The following NANS variants were observed in gnomAD, a reference collection of about 807,000 sequenced individuals.
NANS encodes the protein N-acetylneuraminate-9-phosphate synthase.
A neutral mutation model predicts 33.3 loss-of-function variants in NANS; 29 were observed. That is an observed-to-expected ratio of 0.87 (90% CI 0.65 to 1.19). NANS has a LOEUF of 1.19. NANS is among the 50% of genes most tolerant of loss of function. NANS has a pLI of 0.00. For missense variants in NANS, 394 were observed against 461.1 expected (o/e 0.85, Z 1.33); for synonymous variants, 163 against 177.2 (o/e 0.92, Z 0.64).
chr9:98,082,781 A>G, intron 5 of NANS, 65 bp from the exon 6 acceptor site: 1 of 1,488,812 alleles, frequency 6.7e-7, no homozygotes, highest in Non-Finnish European at 9.2e-7. Flanking sequence ...CCTTGAGTGT[A>G]AAGTAAAGTA....
intron 2 of NANS, among the ~76,000 whole-genome samples, chr9:98,068,342 G>A (rs1368649581): frequency 1.3e-5 from 2 of 151,822 alleles, no homozygotes; most frequent in Non-Finnish European, 2.9e-5. Context: ...GTTTCACCTT[G>A]TTGGTCAGGC....
chr9:98,058,848 A>C (rs1257191594), intron 1 of NANS, among the ~76,000 whole-genome samples: 1 of 152,158 alleles, frequency 6.6e-6, no homozygotes, highest in Non-Finnish European at 1.5e-5. Context: ...AACTTTAGTC[A>C]GGTCAGTCTG....
At chr9:98,064,742 G>C (rs886173688) in intron 2 of NANS, among the ~76,000 whole-genome samples, 4 of 152,196 alleles carry the variant, frequency 2.6e-5, no homozygotes, top group African/African-American at 7.2e-5. Context: ...GCCTAGAGCA[G>C]TATGCTTTCC....
chr9:98,065,228 T>C (rs1343029088), intron 2 of NANS, among the ~76,000 whole-genome samples: 1 of 152,026 alleles, frequency 6.6e-6, no homozygotes, highest in Non-Finnish European at 1.5e-5. Flanking sequence ...ATAAATAGGA[T>C]TGTTTTTCAA....
intron 3 of NANS, 113 bp from the exon 4 acceptor site, chr9:98,078,080 A>G: frequency 6.8e-7 from 1 of 1,479,352 alleles, no homozygotes; most frequent in Admixed American, 1.8e-5. Context: ...ACAGTGTTTT[A>G]AGAGATGTCT....
chr9:98,078,985 T>C (rs924674580), intron 4 of NANS, among the ~76,000 whole-genome samples: 7 of 152,156 alleles, frequency 4.6e-5, no homozygotes, highest in African/African-American at 1.7e-4. Flanking sequence ...TTCTTGAAAC[T>C]TCCTGGCTTT....
At chr9:98,067,438 G>C (rs1373112918) in intron 2 of NANS, among the ~76,000 whole-genome samples, 1 of 152,158 alleles carries the variant, frequency 6.6e-6, no homozygotes, top group Non-Finnish European at 1.5e-5. Flanking sequence ...AGCCATCCTA[G>C]TGGATGTGAC....
intron 2 of NANS, among the ~76,000 whole-genome samples, chr9:98,074,358 C>T (rs1316227688): frequency 2.0e-5 from 3 of 152,076 alleles, no homozygotes; most frequent in African/African-American, 7.2e-5. Context: ...TGCATGGAAC[C>T]CCAGATAGAG....
intron 3 of NANS, 79 bp downstream of exon 3, chr9:98,077,096 T>A (rs1829627751): frequency 5.8e-6 from 6 of 1,028,434 alleles, no homozygotes; most frequent in Admixed American, 2.7e-5. Context: ...TGGCCCACTT[T>A]CAGCAGATTT....
chr9:98,071,319 C>T (rs769023159), intron 2 of NANS, among the ~76,000 whole-genome samples: 15 of 152,196 alleles, frequency 9.9e-5, no homozygotes, highest in Admixed American at 3.9e-4. Context: ...GGCCCATACC[C>T]GGGCTATATG....
chr9:98,065,548 A>G lies in NANS; in HGVS notation c.348+4551A>G, dbSNP rs566492857. ...GAGACGGGGTTTCACCATGTTGGCC[A>G]GGCTGGTCTCGAACTCCTGACCTCA... On this transcript the variant is annotated intron_variant, in intron 2 of 5. Transcript: ENST00000210444. Among the ~76,000 whole-genome samples the G allele has an allele frequency of 3.5e-4, 44 of 124,006 alleles. 1 individual carries two copies. Among genetic ancestry groups the G allele is most frequent in the African/African-American group, 1.4e-3 (43 of 30,912 alleles). 81.4% of individuals were successfully genotyped at this position (124,006 alleles called of 152,430 possible). A position where few individuals can be genotyped will look rare whatever the true frequency, so the allele number is the denominator to read the frequency against.
At chr9:98,064,617 A>G (rs1829081923) in intron 2 of NANS, among the ~76,000 whole-genome samples, 1 of 152,190 alleles carries the variant, frequency 6.6e-6, no homozygotes, top group Non-Finnish European at 1.5e-5. Flanking sequence ...ACAGTAATAT[A>G]TTTTATCCCT....
In NANS at chr9:98,072,846, T is replaced by C. The variant is rs149070049; in HGVS notation, c.349-4072T>C. On this transcript the variant is annotated intron_variant, in intron 2 of 5. Transcript: ENST00000210444. ...GTGTTTACCTACCCTAACTTCCTTA[T>C]AGAAACAGGCATTTATTGAATGCAT... 2.6e-5 allele frequency among the ~76,000 whole-genome samples: 4 copies of C among 152,322 alleles called. No individual in the cohort carries two copies. In the East Asian group the frequency reaches 7.7e-4, roughly 29 times the overall value.
At chr9:98,066,762 T>C (rs1829160629) in intron 2 of NANS, among the ~76,000 whole-genome samples, 1 of 152,028 alleles carries the variant, frequency 6.6e-6, no homozygotes, top group Admixed American at 6.6e-5. Context: ...GCAATTCTCC[T>C]GCCTCAGCCT....
intron 2 of NANS, chr9:98,075,754 CTT>C (rs1829563819): frequency 1.3e-5 from 2 of 152,270 alleles, no homozygotes; most frequent in Non-Finnish European, 2.9e-5. Context: ...GTTTATTACT[CTT>C]GTGCTGATGG....
chr9:98,078,679 A>G (rs1189450406), intron 4 of NANS, among the ~76,000 whole-genome samples: 2 of 151,886 alleles, frequency 1.3e-5, no homozygotes, highest in African/African-American at 2.4e-5. Context: ...TATTAAAAAT[A>G]TAAAAATTAG....
intron 2 of NANS, among the ~76,000 whole-genome samples, chr9:98,064,414 C>T (rs1289222758): frequency 2.0e-5 from 3 of 152,040 alleles, no homozygotes; most frequent in African/African-American, 2.4e-5. Context: ...CCACCACACA[C>T]GGCTAGTTTT....
chr9:98,059,823 T>C (rs765643699), intron 1 of NANS, among the ~76,000 whole-genome samples: 4 of 152,202 alleles, frequency 2.6e-5, no homozygotes, highest in Non-Finnish European at 4.4e-5. Context: ...TTTGTTTTGT[T>C]TGTCTGCTTT....
rs555827785 is a variant in NANS at position 98,074,039 on chromosome 9, G to T, written c.349-2879G>T. Among the ~76,000 whole-genome samples the T allele has an allele frequency of 3.9e-5, 6 of 152,208 alleles. No homozygotes were observed. The South Asian group carries it at 1.2e-3, about 32-fold the overall frequency. ...GGGCTAAAATGATCCTCCTGCCTTG[G>T]CCTCCCAAAGTGCTGGGATTACAGG... On this transcript the variant is annotated intron_variant, in intron 2 of 5. Transcript: ENST00000210444.
Sources: allele counts gnomAD v4.1 joint callset (sites outside exome capture counted in the v4.1 genomes callset), GRCh38; gene constraint gnomAD v4.1.1; transcripts MANE v1.5; gene names NCBI Gene and HGNC (gene_info 2026-07-23, HGNC 2026-07-21).